The following CRACDL variants were observed in gnomAD, a reference collection of about 807,000 sequenced individuals.
CRACDL encodes the protein CRACD like.
A neutral mutation model predicts 70.6 loss-of-function variants in CRACDL; 26 were observed. The observed-to-expected ratio is 0.37, with a 90% confidence interval of 0.27 to 0.51. CRACDL has a LOEUF of 0.51. Ranked by LOEUF, CRACDL falls within the 20% of genes least tolerant of loss-of-function variation. CRACDL has a pLI of 0.94. For synonymous variants in CRACDL, 618 were observed against 615.2 expected (o/e 1.00, Z -0.07); for missense variants, 1,283 against 1,376.9 (o/e 0.93, Z 1.08).
intron 1 of CRACDL, among the ~76,000 whole-genome samples, chr2:98,925,105 G>A (rs1255783268): frequency 6.6e-6 from 1 of 152,224 alleles, no homozygotes; most frequent in African/African-American, 2.4e-5. Flanking sequence ...TGCCAGTAGG[G>A]GCTGGGGAGA....
At chr2:98,850,302 C>T (rs1245935324) in intron 1 of CRACDL, among the ~76,000 whole-genome samples, 1 of 152,234 alleles carries the variant, frequency 6.6e-6, no homozygotes, top group Non-Finnish European at 1.5e-5. Flanking sequence ...AGAACTGTTT[C>T]CTTCATGTGG....
intron 1 of CRACDL, among the ~76,000 whole-genome samples, chr2:98,919,535 C>T (rs1024366719): frequency 6.6e-6 from 1 of 152,062 alleles, no homozygotes; most frequent in Non-Finnish European, 1.5e-5. Context: ...ACTTACTTAC[C>T]TAAATTATTT....
chr2:98,917,206 C>G (rs571565117), intron 1 of CRACDL, among the ~76,000 whole-genome samples: 1 of 152,224 alleles, frequency 6.6e-6, no homozygotes, highest in Non-Finnish European at 1.5e-5. Flanking sequence ...CTCCGGCAGA[C>G]GAATGACTCA....
intron 1 of CRACDL, among the ~76,000 whole-genome samples, chr2:98,894,932 C>T (rs1708079186): frequency 6.6e-6 from 1 of 152,074 alleles, no homozygotes; most frequent in Non-Finnish European, 1.5e-5. Context: ...ATAGCAAGAG[C>T]TCAACTTTAC....
intron 1 of CRACDL, among the ~76,000 whole-genome samples, chr2:98,870,936 G>A (rs765755870): frequency 6.6e-5 from 10 of 152,206 alleles, no homozygotes; most frequent in Admixed American, 1.3e-4. Context: ...CAAAGTCCCC[G>A]AAGGGAGGCG....
chr2:98,802,881 G>A (rs751417910), intron 7 of CRACDL, among the ~76,000 whole-genome samples: 9 of 152,182 alleles, frequency 5.9e-5, no homozygotes, highest in African/African-American at 1.9e-4. Context: ...CTGCCTTAAG[G>A]TAAGGCAACA....
chr2:98,805,311 A>G (rs1342797804), intron 7 of CRACDL, among the ~76,000 whole-genome samples: 1 of 152,152 alleles, frequency 6.6e-6, no homozygotes, highest in Admixed American at 6.5e-5. Context: ...CCCCCCTAAG[A>G]CAGGAGTCAC....
intron 3 of CRACDL, among the ~76,000 whole-genome samples, chr2:98,835,105 A>T (rs1252863937): frequency 6.7e-6 from 1 of 149,826 alleles, no homozygotes; most frequent in Non-Finnish European, 1.5e-5. Context: ...TGTTAATATC[A>T]TAAGGAGCCC....
chr2:98,891,084 A>T (rs1420422603), intron 1 of CRACDL, among the ~76,000 whole-genome samples: 1 of 149,770 alleles, frequency 6.7e-6, no homozygotes, highest in African/African-American at 2.5e-5. Context: ...TAAATAAAAG[A>T]TTCCAAACTT....
chr2:98,897,489 A>C, intron 1 of CRACDL: 1 of 903,264 alleles, frequency 1.1e-6, no homozygotes, highest in Non-Finnish European at 1.6e-6. Context: ...CTGCTGAAAC[A>C]GATGAGCAAA....
intron 1 of CRACDL, chr2:98,908,593 GC>G (rs1271069857): frequency 6.6e-6 from 1 of 152,308 alleles, no homozygotes; most frequent in Admixed American, 6.5e-5. Context: ...TCACTCTATT[GC>G]TGCAAATGCC....
At chr2:98,930,106 G>A (rs1344298394) in intron 1 of CRACDL, among the ~76,000 whole-genome samples, 2 of 152,028 alleles carry the variant, frequency 1.3e-5, no homozygotes, top group Non-Finnish European at 2.9e-5. Context: ...GACGTGGCAG[G>A]GCAGAACCAT....
At chr2:98,933,255 C>T (rs1709127587) in intron 1 of CRACDL, among the ~76,000 whole-genome samples, 1 of 152,146 alleles carries the variant, frequency 6.6e-6, no homozygotes, top group Non-Finnish European at 1.5e-5. Flanking sequence ...GCAAGAGGAC[C>T]AGATGACCAG....
At position 98,815,459 on chromosome 2, in the gene CRACDL, G is replaced by C. The variant is rs528723460; in HGVS notation, c.2416+6398C>G. ...CAAGGTTCTACGGCTAGAAAGCCAA[G>C]GTTTAGCCTCTCTGCACTGTAGCAC... On this transcript the variant is annotated intron_variant, in intron 7 of 9. Transcript: ENST00000397899. Among the ~76,000 whole-genome samples, 4 of 152,316 alleles carry C rather than the reference G, an allele frequency of 2.6e-5. No homozygotes were observed. The South Asian group carries it at 8.3e-4, about 32-fold the overall frequency.
At chr2:98,891,412 C>T (rs934941998) in intron 1 of CRACDL, among the ~76,000 whole-genome samples, 41 of 88,182 alleles carry the variant, frequency 4.6e-4, no homozygotes, top group African/African-American at 1.8e-3. Context: ...AAAATCCAAA[C>T]TTTGGAGCTT....
intron 1 of CRACDL, among the ~76,000 whole-genome samples, chr2:98,910,585 C>A (rs920683213): frequency 6.6e-5 from 10 of 152,004 alleles, no homozygotes; most frequent in African/African-American, 2.4e-4. Context: ...TGTTTCCCAG[C>A]CACTGTTTTG....
At chr2:98,865,051 A>AAC (rs1205364200) in intron 1 of CRACDL, among the ~76,000 whole-genome samples, 1 of 152,188 alleles carries the variant, frequency 6.6e-6, no homozygotes, top group Non-Finnish European at 1.5e-5. Context: ...AATAGGGGAA[A>AAC]ACACAAACGT....
chr2:98,924,678 G>T (rs985541113), intron 1 of CRACDL, among the ~76,000 whole-genome samples: 1 of 152,124 alleles, frequency 6.6e-6, no homozygotes, highest in African/African-American at 2.4e-5. Context: ...GCCCCCCCAG[G>T]GCATGGCACC....
chr2:98,800,387 T>C (rs1235026462), intron 7 of CRACDL, among the ~76,000 whole-genome samples: 1 of 152,088 alleles, frequency 6.6e-6, no homozygotes, highest in African/African-American at 2.4e-5. Context: ...AAGGGTCTTT[T>C]CTGTCTTTTT....
Sources: allele counts gnomAD v4.1 joint callset (sites outside exome capture counted in the v4.1 genomes callset), GRCh38; gene constraint gnomAD v4.1.1; transcripts MANE v1.5; gene names NCBI Gene and HGNC (gene_info 2026-07-23, HGNC 2026-07-21).